The following ATAD2 variants were observed in gnomAD, a reference collection of about 807,000 sequenced individuals.
The protein encoded by ATAD2 is ATPase family AAA domain containing 2.
ATAD2 carries 62 observed loss-of-function variants against 168.9 expected under a neutral mutation model. The observed-to-expected ratio is 0.37, with a 90% CI of 0.30 to 0.45. The LOEUF (loss-of-function observed/expected upper bound fraction) is 0.45, where lower values mean the gene tolerates loss of function less well. Among genes scored for constraint, ATAD2 ranks in the 20% least tolerant of loss-of-function variants. The pLI, the probability that ATAD2 is intolerant of heterozygous loss-of-function variation, is 1.00. For synonymous variants in ATAD2, 613 were observed against 571.6 expected (o/e 1.07, Z -1.03); for missense variants, 1,419 against 1,667.8 (o/e 0.85, Z 2.60).
chr8:123,401,581 T>C, intron 1 of ATAD2: 1 of 1,397,914 alleles, frequency 7.2e-7, no homozygotes, highest in South Asian at 1.2e-5. Context: ...CAGGAAGTGA[T>C]GGCATGTGGT....
At chr8:123,394,634 C>T (rs903619673) in intron 1 of ATAD2, among the ~76,000 whole-genome samples, 2 of 149,518 alleles carry the variant, frequency 1.3e-5, no homozygotes, top group South Asian at 2.1e-4. Flanking sequence ...GACTCTGTCT[C>T]GAAGAAAAAA....
intron 1 of ATAD2, among the ~76,000 whole-genome samples, chr8:123,412,711 G>A (rs1813178276): frequency 6.6e-6 from 1 of 152,068 alleles, no homozygotes; most frequent in Non-Finnish European, 1.5e-5. Flanking sequence ...GGATTACAGG[G>A]GTGAGCCACT....
intron 22 of ATAD2, among the ~76,000 whole-genome samples, chr8:123,334,559 G>A (rs968412313): frequency 2.0e-5 from 3 of 151,498 alleles, no homozygotes; most frequent in African/African-American, 7.3e-5. Context: ...GTCCTGTTCA[G>A]ATCCCTTTGA....
intron 2 of ATAD2, among the ~76,000 whole-genome samples, chr8:123,379,311 C>T (rs928803071): frequency 6.6e-6 from 1 of 152,100 alleles, no homozygotes; most frequent in Non-Finnish European, 1.5e-5. Context: ...CATAGAAATT[C>T]ATAAATGACT....
In ATAD2 at chr8:123,319,922, A is replaced by G. The variant is rs1013033002; in HGVS notation, c.*1212T>C. 7 of 152,218 alleles carry G rather than the reference A, an allele frequency of 4.6e-5. No homozygotes were observed. The highest frequency in any genetic ancestry group is 1.4e-4 in the African/African-American group (6 of 41,460). The allele number at this position is 152,218 out of a possible 1,614,324, so 9.4% of individuals were successfully genotyped here. A position where few individuals can be genotyped will look rare whatever the true frequency, so the allele number is the denominator to read the frequency against. On this transcript the variant is annotated 3_prime_UTR_variant, in exon 28 of 28. Coordinates refer to ENST00000287394, the MANE Select transcript of ATAD2 (RefSeq NM_014109.4). Reference sequence around the variant, plus strand: ...CAAAATGAAATCCTAGTTATAAAAGATGCATCTAGAAGAATAATTTATAAT... The same window carrying G: ...CAAAATGAAATCCTAGTTATAAAAGGTGCATCTAGAAGAATAATTTATAAT...
chr8:123,328,577 G>T lies in ATAD2; in HGVS notation c.3481C>A (p.Gln1161Lys). 6.6e-7 allele frequency: 1 copy of T among 1,509,822 alleles called. No individual in the cohort carries two copies. The highest frequency in any genetic ancestry group is 8.8e-7 in the Non-Finnish European group (1 of 1,131,298). The allele number at this position is 1,509,822 out of a possible 1,614,324, so 93.5% of individuals were successfully genotyped here. Reference protein sequence around the residue: ...STPVACSTPAQLKRKIRKKSN... With the variant: ...STPVACSTPAKLKRKIRKKSN... ...TTTTTGCGAATTTTCCTCTTCAACT[G>T]AGCTTCAAGAAATTTAAAGAAAAAT... The change falls in exon 25 of 28, where the codon CAG (glutamine) becomes AAG (lysine). Residue 1161 changes from glutamine (Q) to lysine (K), a missense_variant and splice_region_variant. Physicochemically the swap from Gln to Lys is moderately conservative, Grantham distance 53. This residue lies in a region of ATAD2 where 303 missense variants were observed against 304.3 expected (regional missense o/e 1.00). Transcript: ENST00000287394.
chr8:123,328,643 GA>G, intron 24 of ATAD2, 64 bp from the exon 25 acceptor site: 1 of 1,423,216 alleles, frequency 7.0e-7, no homozygotes, highest in Non-Finnish European at 9.4e-7. Context: ...TTCAAAGAGT[GA>G]AAAACCCTGA....
At position 123,370,994 on chromosome 8, in the gene ATAD2, A is replaced by C; in HGVS notation, c.640-4T>G. 1 of 1,556,958 alleles carries C rather than the reference A, an allele frequency of 6.4e-7. No homozygotes were observed. The highest frequency in any genetic ancestry group is 8.7e-7 in the Non-Finnish European group (1 of 1,147,194). ...TTGTGTACATATTAAGATTGCTCTA[A>C]AAATGTTTAAATAAAAGCCATTAAC... On this transcript the variant is annotated splice_polypyrimidine_tract_variant and splice_region_variant and intron_variant, in intron 5 of 27. Coordinates refer to ENST00000287394, the MANE Select transcript of ATAD2 (RefSeq NM_014109.4).
chr8:123,407,560 C>G (rs946905062), intron 1 of ATAD2, among the ~76,000 whole-genome samples: 1 of 151,430 alleles, frequency 6.6e-6, no homozygotes, highest in Non-Finnish European at 1.5e-5. Flanking sequence ...CCCATCTCTA[C>G]TAAAAATACA....
intron 1 of ATAD2, among the ~76,000 whole-genome samples, chr8:123,386,058 G>A (rs1829639849): frequency 6.6e-6 from 1 of 151,206 alleles, no homozygotes; most frequent in Non-Finnish European, 1.5e-5. Context: ...AATTGTTGGT[G>A]AGGATGTAGA....
intron 19 of ATAD2, chr8:123,344,502 C>T (rs571962824): frequency 1.4e-4 from 25 of 183,808 alleles, no homozygotes; most frequent in East Asian, 1.5e-4. Context: ...CCAGCCACCA[C>T]GTCCAGCTAA....
chr8:123,393,970 T>C (rs1228198594), intron 1 of ATAD2, among the ~76,000 whole-genome samples: 2 of 152,202 alleles, frequency 1.3e-5, no homozygotes, highest in African/African-American at 4.8e-5. Context: ...TGAACCAGCA[T>C]GGCAACACTG....
chr8:123,389,856 T>C (rs918356048), intron 1 of ATAD2, among the ~76,000 whole-genome samples: 2 of 148,292 alleles, frequency 1.3e-5, no homozygotes, highest in Middle Eastern at 3.5e-3. Flanking sequence ...AATCTAGTAA[T>C]GAGGATAATA....
intron 27 of ATAD2, among the ~76,000 whole-genome samples, chr8:123,321,902 G>C (rs922902767): frequency 7.2e-5 from 11 of 151,814 alleles, no homozygotes; most frequent in African/African-American, 2.4e-4. Flanking sequence ...ACTGCACACA[G>C]AGAAAGATCC....
intron 1 of ATAD2, among the ~76,000 whole-genome samples, chr8:123,392,657 T>C (rs1387172127): frequency 6.6e-6 from 1 of 151,564 alleles, no homozygotes; most frequent in Non-Finnish European, 1.5e-5. Flanking sequence ...GTCATGCAGA[T>C]ATCAAGGGGA....
chr8:123,415,163 C>T (rs149572986), intron 1 of ATAD2, among the ~76,000 whole-genome samples: 78 of 152,220 alleles, frequency 5.1e-4, no homozygotes, highest in African/African-American at 1.8e-3. Flanking sequence ...ATATATGATG[C>T]TTAGTTTCGC....
chr8:123,323,271 CAT>C (rs1276531165), intron 26 of ATAD2, among the ~76,000 whole-genome samples: 1 of 152,162 alleles, frequency 6.6e-6, no homozygotes, highest in African/African-American at 2.4e-5. Context: ...TTGAGTAACT[CAT>C]ATTCTAAAAA....
chr8:123,372,783 A>G, intron 2 of ATAD2, 97 bp from the exon 3 acceptor site: 2 of 1,011,974 alleles, frequency 2.0e-6, no homozygotes, highest in Non-Finnish European at 2.8e-6. Flanking sequence ...ACAGGAGTGC[A>G]GTGGCACAAT....
At chr8:123,401,269 T>G, upstream of ATAD2, 1 of 1,022,474 alleles carries the variant, frequency 9.8e-7, no homozygotes. Context: ...GAACCGAGAC[T>G]ACCCTGTGGC....
Sources: allele counts gnomAD v4.1 joint callset (sites outside exome capture counted in the v4.1 genomes callset), GRCh38; gene constraint gnomAD v4.1.1; regional missense constraint gnomAD v4.1.1; transcripts MANE v1.5; gene names NCBI Gene and HGNC (gene_info 2026-07-23, HGNC 2026-07-21).